The following SLC8A3 variants were observed in gnomAD, a reference collection of about 807,000 sequenced individuals.
SLC8A3 encodes solute carrier family 8 member A3, also known as sodium/calcium exchanger 3.
Under a neutral mutation model 65.4 loss-of-function variants are expected in SLC8A3, and 37 were observed. The observed-to-expected ratio is 0.57, with a 90% CI of 0.44 to 0.74. The LOEUF (loss-of-function observed/expected upper bound fraction) is 0.74. Among genes scored for constraint, SLC8A3 ranks in the 30% least tolerant of loss-of-function variants. The probability of loss-of-function intolerance (pLI) is 0.00; values close to 1 mark genes in which losing one functional copy is unlikely to be tolerated. For missense variants in SLC8A3, 1,112 were observed against 1,172.1 expected (o/e 0.95, Z 0.75); for synonymous variants, 461 against 444.5 (o/e 1.04, Z -0.47).
intron 2 of SLC8A3, among the ~76,000 whole-genome samples, chr14:70,131,941 C>T (rs1042510048): frequency 1.3e-5 from 2 of 152,172 alleles, no homozygotes; most frequent in Admixed American, 6.6e-5. Context: ...GGAGGACAGA[C>T]ATCTCCAGGA....
At chr14:70,134,733 C>T (rs747239999) in intron 2 of SLC8A3, among the ~76,000 whole-genome samples, 10 of 152,124 alleles carry the variant, frequency 6.6e-5, no homozygotes, top group East Asian at 1.9e-4. Context: ...CTTCACACAG[C>T]GGTCTTTAAA....
chr14:70,048,730 A>C (rs1043781294), intron 6 of SLC8A3, 37 bp downstream of exon 6: 20 of 1,594,634 alleles, frequency 1.3e-5, no homozygotes, highest in Non-Finnish European at 1.6e-5. Flanking sequence ...AACCAGGTAA[A>C]ATCCTCTTTG....
intron 2 of SLC8A3, among the ~76,000 whole-genome samples, chr14:70,090,977 C>T (rs1437263860): frequency 6.6e-6 from 1 of 152,204 alleles, no homozygotes; most frequent in African/African-American, 2.4e-5. Context: ...CATCAATCCT[C>T]TAAAGGTCCA....
intron 2 of SLC8A3, among the ~76,000 whole-genome samples, chr14:70,081,170 C>T (rs1347290720): frequency 6.6e-6 from 1 of 152,156 alleles, no homozygotes; most frequent in African/African-American, 2.4e-5. Flanking sequence ...AACCTCCTTC[C>T]ACTTCACCTG....
intron 2 of SLC8A3, among the ~76,000 whole-genome samples, chr14:70,147,565 T>A (rs1195154087): frequency 6.6e-6 from 1 of 152,206 alleles, no homozygotes; most frequent in Non-Finnish European, 1.5e-5. Context: ...ATCAGTTGAC[T>A]ATTAAGCCTT....
Position 70,045,915 on chromosome 14 carries a change from G to T in SLC8A3, c.*32C>A. Reference sequence around the variant, plus strand: ...TGCCCTTCTCTTAGGAGAAGTCCTAGGCCTGCCCTGCTGGAGGCTCTGTTG... The same window carrying T: ...TGCCCTTCTCTTAGGAGAAGTCCTATGCCTGCCCTGCTGGAGGCTCTGTTG... On this transcript the variant is annotated 3_prime_UTR_variant, in exon 7 of 7. Coordinates refer to ENST00000356921, the MANE Select transcript of SLC8A3 (RefSeq NM_182932.3). 6.5e-7 allele frequency: 1 copy of T among 1,540,700 alleles called. No homozygotes were observed.
intron 1 of SLC8A3, chr14:70,187,110 C>T (rs1225294807): frequency 1.3e-5 from 2 of 152,540 alleles, no homozygotes; most frequent in East Asian, 3.8e-4. Flanking sequence ...CCCCCCACCC[C>T]CTTCGGGTGT....
intron 2 of SLC8A3, among the ~76,000 whole-genome samples, chr14:70,108,636 T>C (rs1893050483): frequency 6.6e-6 from 1 of 152,206 alleles, no homozygotes; most frequent in Non-Finnish European, 1.5e-5. Flanking sequence ...CTGCTCTGAA[T>C]TAGAGCAGCT....
chr14:70,127,762 A>G (rs1266785275), intron 2 of SLC8A3, among the ~76,000 whole-genome samples: 1 of 152,176 alleles, frequency 6.6e-6, no homozygotes, highest in African/African-American at 2.4e-5. Flanking sequence ...TAGTGTTATC[A>G]TGACACTCAC....
chr14:70,165,477 A>C lies in SLC8A3; in HGVS notation c.1784+1162T>G, dbSNP rs746904956. Among the ~76,000 whole-genome samples the C allele has an allele frequency of 7.9e-5, 12 of 152,258 alleles. No homozygotes were observed. In the East Asian group the frequency reaches 1.2e-3, roughly 15 times the overall value. ...AGCAGGTTCTTGAAACAGACACCCC[A>C]CACACACAACTTCCTATATGCTCCT... On this transcript the variant is annotated intron_variant, in intron 2 of 6. Transcript: ENST00000356921.
chr14:70,102,606 T>A (rs950539125), intron 2 of SLC8A3, among the ~76,000 whole-genome samples: 10 of 152,130 alleles, frequency 6.6e-5, no homozygotes, highest in Admixed American at 5.9e-4. Context: ...GTGGTCATAA[T>A]GAATGAACAG....
At chr14:70,131,777 G>A (rs1000813895) in intron 2 of SLC8A3, among the ~76,000 whole-genome samples, 1 of 152,146 alleles carries the variant, frequency 6.6e-6, no homozygotes, top group Non-Finnish European at 1.5e-5. Flanking sequence ...TGAAGTTCAG[G>A]GACATTAGAA....
intron 1 of SLC8A3, among the ~76,000 whole-genome samples, chr14:70,178,112 T>G (rs1000041480): frequency 6.6e-6 from 1 of 152,308 alleles, no homozygotes; most frequent in South Asian, 2.1e-4. Context: ...CTTCCTCCAC[T>G]GGCCCTGCAA....
chr14:70,105,435 A>T (rs1414172968), intron 2 of SLC8A3, among the ~76,000 whole-genome samples: 1 of 152,226 alleles, frequency 6.6e-6, no homozygotes, highest in Non-Finnish European at 1.5e-5. Flanking sequence ...TCTTATAGAC[A>T]TTCAAAGGCT....
intron 2 of SLC8A3, among the ~76,000 whole-genome samples, chr14:70,109,461 A>G (rs925244847): frequency 2.0e-5 from 3 of 151,266 alleles, no homozygotes; most frequent in African/African-American, 7.3e-5. Flanking sequence ...GTGTATATAT[A>G]TATATATATA....
At chr14:70,160,704 C>T (rs978905915) in intron 2 of SLC8A3, among the ~76,000 whole-genome samples, 1 of 151,896 alleles carries the variant, frequency 6.6e-6, no homozygotes, top group Non-Finnish European at 1.5e-5. Flanking sequence ...CAGGGGATAC[C>T]GCATGCCTAG....
At chr14:70,063,822 C>G (rs750278733) in intron 2 of SLC8A3, 1 of 1,559,886 alleles carries the variant, frequency 6.4e-7, no homozygotes, top group Non-Finnish European at 8.8e-7. Context: ...GGGTACTACA[C>G]CTTTCTGAAA....
At chr14:70,182,368 C>T (rs114072701) in intron 1 of SLC8A3, among the ~76,000 whole-genome samples, 2,179 of 152,198 alleles carry the variant, frequency 0.014, 55 homozygotes, top group African/African-American at 0.05. Context: ...AGTAACAGCA[C>T]AAACCATTCA....
In SLC8A3 at chr14:70,105,683, G is replaced by A. The variant is rs117442297; in HGVS notation, c.1785-44744C>T. 0.013 allele frequency among the ~76,000 whole-genome samples: 2,000 copies of A among 152,148 alleles called. 102 individuals carry two copies. The East Asian group carries it at 0.14, about 11-fold the overall frequency. On this transcript the variant is annotated intron_variant, in intron 2 of 6. Transcript: ENST00000356921. ...CATCTCTGAAACAAATAATTTCAAC[G>A]TTGCATAAATTCTTTCAGAAGATAA...
Sources: allele counts gnomAD v4.1 joint callset (sites outside exome capture counted in the v4.1 genomes callset), GRCh38; gene constraint gnomAD v4.1.1; transcripts MANE v1.5; gene names NCBI Gene and HGNC (gene_info 2026-07-23, HGNC 2026-07-21).